GALNTL6: variants seen among roughly 807,000 people sequenced by gnomAD.
GALNTL6 encodes polypeptide N-acetylgalactosaminyltransferase-like 6.
A neutral mutation model predicts 73.7 loss-of-function variants in GALNTL6; 46 were observed. The ratio of observed to expected loss-of-function variants is 0.62; its 90% CI spans 0.49 to 0.80. The LOEUF is 0.80. Among genes scored for constraint, GALNTL6 ranks in the 30% least tolerant of loss-of-function variants. The pLI is 0.00. For missense variants in GALNTL6, 604 were observed against 755.0 expected (o/e 0.80, Z 2.34); for synonymous variants, 259 against 263.7 (o/e 0.98, Z 0.17).
chr4:172,304,960 T>G (rs937374476), intron 3 of GALNTL6, among the ~76,000 whole-genome samples: 3 of 152,226 alleles, frequency 2.0e-5, no homozygotes, highest in Non-Finnish European at 4.4e-5. Context: ...ATTTTGAAAC[T>G]CTTCTAGGTC....
chr4:172,915,223 C>T (rs77535628), intron 8 of GALNTL6, among the ~76,000 whole-genome samples: 3 of 152,088 alleles, frequency 2.0e-5, no homozygotes, highest in African/African-American at 7.2e-5. Context: ...CAGAACATAC[C>T]AGAATCTCTG....
intron 2 of GALNTL6, among the ~76,000 whole-genome samples, chr4:172,175,345 C>A (rs749074366): frequency 7.2e-5 from 11 of 152,170 alleles, no homozygotes; most frequent in Middle Eastern, 3.4e-3. Flanking sequence ...TGATTATAGG[C>A]GTGAGTCTCC....
intron 2 of GALNTL6, among the ~76,000 whole-genome samples, chr4:171,940,820 AAAATAAATAAATAAATAAAT>A (rs372040035): frequency 3.6e-5 from 3 of 83,242 alleles, no homozygotes; most frequent in East Asian, 7.5e-4. Flanking sequence ...TCCATCTCAG[AAAATAAATAAATAAATAAAT>A]AAATAAATAA....
intron 2 of GALNTL6, among the ~76,000 whole-genome samples, chr4:172,077,408 A>G (rs1731733443): frequency 6.6e-6 from 1 of 152,142 alleles, no homozygotes; most frequent in African/African-American, 2.4e-5. Context: ...TCGGATGGAA[A>G]TGAGGAACTT....
intron 5 of GALNTL6, among the ~76,000 whole-genome samples, chr4:172,702,988 T>C (rs374262809): frequency 2.0e-5 from 3 of 152,024 alleles, no homozygotes; most frequent in African/African-American, 4.8e-5. Flanking sequence ...GGTTGTTTTA[T>C]GTATACAACC....
In GALNTL6 at chr4:172,001,012, G is replaced by C. The variant is rs1445786979; in HGVS notation, c.138+186294G>C. The stretch of plus-strand genomic sequence containing the variant: ...TTCTACCTGCTTGCCATTACTCTCT[G>C]TGTTACATTCTATCAGTCTGGTCAT... On this transcript the variant is annotated intron_variant, in intron 2 of 12. Transcript: ENST00000506823. Among the ~76,000 whole-genome samples the C allele has an allele frequency of 4.6e-5, 7 of 152,246 alleles. No homozygotes were observed. In the East Asian group the frequency reaches 1.2e-3, roughly 25 times the overall value.
chr4:172,199,467 T>C (rs371801700), intron 2 of GALNTL6, among the ~76,000 whole-genome samples: 1 of 152,234 alleles, frequency 6.6e-6, no homozygotes, highest in African/African-American at 2.4e-5. Context: ...CTGTTTTAGA[T>C]AATTCTCTCA....
chr4:172,874,055 CA>C (rs1368424913), intron 7 of GALNTL6, among the ~76,000 whole-genome samples: 4 of 152,206 alleles, frequency 2.6e-5, no homozygotes, highest in African/African-American at 9.6e-5. Flanking sequence ...AGCTTTCCTG[CA>C]GTTTCAAGCA....
chr4:171,901,913 T>C (rs1737111361), intron 2 of GALNTL6, among the ~76,000 whole-genome samples: 1 of 152,102 alleles, frequency 6.6e-6, no homozygotes, highest in South Asian at 2.1e-4. Flanking sequence ...CAAATTAATC[T>C]GAGGGAAACA....
chr4:172,454,573 A>G (rs1732324012), intron 5 of GALNTL6, among the ~76,000 whole-genome samples: 1 of 152,240 alleles, frequency 6.6e-6, no homozygotes, highest in South Asian at 2.1e-4. Context: ...CCCACTGGGC[A>G]GAATTCTACT....
At chr4:172,301,021 G>T (rs573295155) in intron 3 of GALNTL6, among the ~76,000 whole-genome samples, 3 of 151,922 alleles carry the variant, frequency 2.0e-5, no homozygotes, top group Non-Finnish European at 2.9e-5. Context: ...ACGTAGATTT[G>T]GTCTTTTCAC....
At position 172,069,563 on chromosome 4, in the gene GALNTL6, TAACACA is replaced by T. The variant is rs1731476926; in HGVS notation, c.139-160092_139-160087del. 3.7e-5 allele frequency among the ~76,000 whole-genome samples: 3 copies of T among 81,096 alleles called. 1 individual carries two copies. Among genetic ancestry groups the T allele is most frequent in the Non-Finnish European group, 7.9e-5 (3 of 37,864 alleles). The allele number at this position is 81,096 out of a possible 152,430, so 53.2% of individuals were successfully genotyped here. On this transcript the variant is annotated intron_variant, in intron 2 of 12. Coordinates refer to ENST00000506823, the MANE Select transcript of GALNTL6 (RefSeq NM_001034845.3). ...ATATATAACACATATATGTTATATA[TAACACA>T]TATATGTTATATATTATATATATAA...
At chr4:172,544,149 C>T (rs1203907906) in intron 5 of GALNTL6, among the ~76,000 whole-genome samples, 3 of 152,150 alleles carry the variant, frequency 2.0e-5, no homozygotes, top group South Asian at 2.1e-4. Context: ...CTCACAGGAC[C>T]AGATCCTGGT....
At chr4:171,870,873 C>T (rs1043354470) in intron 2 of GALNTL6, among the ~76,000 whole-genome samples, 8 of 152,144 alleles carry the variant, frequency 5.3e-5, no homozygotes, top group Admixed American at 1.3e-4. Flanking sequence ...TCAGAAGCAG[C>T]ATGACCCTGC....
rs532329530 is a variant in GALNTL6, at chr4:171,919,736, C to T, written c.138+105018C>T. Among the ~76,000 whole-genome samples, 35 of 152,170 alleles carry T rather than the reference C, an allele frequency of 2.3e-4. 1 individual carries two copies. The South Asian group carries it at 2.7e-3, about 12-fold the overall frequency. ...GAAGTAGTTATTACTCTTGGTAGGG[C>T]GCTCAGCAGAGAAGCAACCACCTCT... On this transcript the variant is annotated intron_variant, in intron 2 of 12. Transcript: ENST00000506823.
At position 171,926,952 on chromosome 4, in the gene GALNTL6, A is replaced by G. The variant is rs950548107; in HGVS notation, c.138+112234A>G. 4.0e-5 allele frequency among the ~76,000 whole-genome samples: 6 copies of G among 151,694 alleles called. No individual in the cohort carries two copies. The East Asian group carries it at 5.8e-4, about 15-fold the overall frequency. ...TGATGTTTTTAATCCGCCCTTAAAG[A>G]TCTCCTTTGTTGATGTTGTTAAAAT... is the stretch of plus-strand genomic sequence containing the variant. On this transcript the variant is annotated intron_variant, in intron 2 of 12. Coordinates refer to ENST00000506823, the MANE Select transcript of GALNTL6 (RefSeq NM_001034845.3).
chr4:172,791,225 G>A lies in GALNTL6; in HGVS notation c.554-18136G>A, dbSNP rs368402869. 7.2e-5 allele frequency among the ~76,000 whole-genome samples: 11 copies of A among 152,358 alleles called. No individual in the cohort carries two copies. In the East Asian group the frequency reaches 1.2e-3, roughly 16 times the overall value. ...TTCTGTATAATGGACAGTTTAGGGT[G>A]AGGGCAAGACACAAGATGTGGGTTT... is the stretch of plus-strand genomic sequence containing the variant. On this transcript the variant is annotated intron_variant, in intron 5 of 12. Transcript: ENST00000506823.
chr4:172,384,993 GTT>G (rs1743411575), intron 5 of GALNTL6, among the ~76,000 whole-genome samples: 1 of 108,248 alleles, frequency 9.2e-6, no homozygotes, highest in Non-Finnish European at 2.0e-5. Flanking sequence ...GTGTGTGTGT[GTT>G]TTGTTTCGTT....
intron 2 of GALNTL6, among the ~76,000 whole-genome samples, chr4:172,211,277 A>C (rs578221936): frequency 1.4e-4 from 21 of 152,190 alleles, no homozygotes; most frequent in Admixed American, 2.6e-4. Context: ...AGATGTGTTC[A>C]CTAGTTCTGG....
Sources: allele counts gnomAD v4.1 joint callset (sites outside exome capture counted in the v4.1 genomes callset), GRCh38; gene constraint gnomAD v4.1.1; transcripts MANE v1.5; gene names NCBI Gene and HGNC (gene_info 2026-07-23, HGNC 2026-07-21).